The following FOCAD variants were observed in gnomAD, a reference collection of about 807,000 sequenced individuals.
The protein encoded by FOCAD is KIAA1797.
Under a neutral mutation model 225.6 loss-of-function variants are expected in FOCAD, and 198 were observed. The observed-to-expected ratio is 0.88, with a 90% CI of 0.78 to 0.99. FOCAD has a LOEUF of 0.99. Ranked by LOEUF, FOCAD falls within the 50% of genes least tolerant of loss-of-function variation. The pLI, the probability that FOCAD is intolerant of heterozygous loss-of-function variation, is 0.00. For synonymous variants in FOCAD, 897 were observed against 755.0 expected (o/e 1.19, Z -3.08); for missense variants, 2,713 against 2,123.6 (o/e 1.28, Z -5.46).
intron 5 of FOCAD, among the ~76,000 whole-genome samples, chr9:20,756,860 G>A (rs193252682): frequency 1.7e-4 from 26 of 152,288 alleles, no homozygotes; most frequent in African/African-American, 4.6e-4. Context: ...GACTAGCTCC[G>A]TGTATGTGGT....
rs151286548 is a variant in FOCAD at position 20,865,974 on chromosome 9, A to G, written c.2104A>G (p.Lys702Glu). The G allele has an allele frequency of 3.6e-3, 5,717 of 1,607,224 alleles. 16 individuals carry two copies. Among genetic ancestry groups the G allele is most frequent in the Non-Finnish European group, 4.4e-3 (5,170 of 1,176,748 alleles). ...LSFLWTHTQN[K>E]DPIVANAAYR... Reference sequence around the variant, plus strand: ...CTTCCTCTGGACTCATACTCAAAACAAGGTACTATCACAAGGCTTGTCAGT... The same window carrying G: ...CTTCCTCTGGACTCATACTCAAAACGAGGTACTATCACAAGGCTTGTCAGT... The change falls in exon 17 of 44, where the codon AAG becomes GAG. Residue 702 changes from lysine (K) to glutamate (E), a missense_variant and splice_region_variant. By Grantham distance (56) the Lys-to-Glu change is moderately conservative. Transcript: ENST00000338382.
chr9:20,872,164 C>G (rs926153913), intron 18 of FOCAD, among the ~76,000 whole-genome samples: 3 of 151,990 alleles, frequency 2.0e-5, no homozygotes, highest in Admixed American at 6.6e-5. Flanking sequence ...ATATGCTATT[C>G]ACTGCATAGA....
chr9:20,918,765 T>C (rs1364274885), intron 24 of FOCAD, among the ~76,000 whole-genome samples: 2 of 152,138 alleles, frequency 1.3e-5, no homozygotes, highest in Non-Finnish European at 2.9e-5. Flanking sequence ...ATAGACCTTA[T>C]TTTAATAAAG....
chr9:20,789,783 T>A (rs1396324585), intron 11 of FOCAD, among the ~76,000 whole-genome samples, 175 bp downstream of exon 11: 2 of 152,034 alleles, frequency 1.3e-5, no homozygotes, highest in Non-Finnish European at 2.9e-5. Flanking sequence ...TTACTCTGAG[T>A]TGATGTATAC....
Position 20,971,034 on chromosome 9 carries a change from G to T in FOCAD, c.4133-5386G>T, listed in dbSNP as rs186795203. Among the ~76,000 whole-genome samples the T allele has an allele frequency of 2.6e-5, 4 of 152,034 alleles. No individual in the cohort carries two copies. In the East Asian group the frequency reaches 7.7e-4, roughly 29 times the overall value. Reference sequence around the variant, plus strand: ...TTGTTTGTTTTCATTTCTTGCTGTGGGCTATGTTCAGTGACTTCTCAAAAT... The same window carrying T: ...TTGTTTGTTTTCATTTCTTGCTGTGTGCTATGTTCAGTGACTTCTCAAAAT... On this transcript the variant is annotated intron_variant, in intron 35 of 43. Coordinates refer to ENST00000338382, the MANE Select transcript of FOCAD (RefSeq NM_001375567.1).
At chr9:20,970,837 G>A (rs945184663) in intron 35 of FOCAD, among the ~76,000 whole-genome samples, 1 of 152,040 alleles carries the variant, frequency 6.6e-6, no homozygotes, top group Non-Finnish European at 1.5e-5. Flanking sequence ...TGTAAAATAT[G>A]TAACATAAAA....
At chr9:20,988,478 T>C (rs1324018714) in intron 41 of FOCAD, 49 bp downstream of exon 41, 6 of 1,117,118 alleles carry the variant, frequency 5.4e-6, no homozygotes, top group Non-Finnish European at 6.4e-6. Flanking sequence ...ACAGAACTTA[T>C]ATTAGGTTGG....
intron 16 of FOCAD, 28 bp downstream of exon 16, chr9:20,862,740 C>G (rs746353506): frequency 6.3e-7 from 1 of 1,593,586 alleles, no homozygotes. Context: ...AGCACATTGC[C>G]TGCTTCTTCA....
intron 7 of FOCAD, among the ~76,000 whole-genome samples, chr9:20,766,809 CA>C (rs1415452802): frequency 6.6e-6 from 1 of 151,934 alleles, no homozygotes. Context: ...GAGATGACTA[CA>C]ATGCTGTTGA....
chr9:20,942,226 G>A (rs1296475128), intron 28 of FOCAD, among the ~76,000 whole-genome samples: 1 of 152,148 alleles, frequency 6.6e-6, no homozygotes, highest in Non-Finnish European at 1.5e-5. Context: ...AGTAATAATT[G>A]CTATGATAAA....
At chr9:20,798,229 C>T (rs571125262) in intron 11 of FOCAD, among the ~76,000 whole-genome samples, 22 of 152,190 alleles carry the variant, frequency 1.4e-4, no homozygotes, top group Middle Eastern at 3.4e-3. Flanking sequence ...CTTTTTGATG[C>T]GCTGCTGGAT....
intron 15 of FOCAD, among the ~76,000 whole-genome samples, chr9:20,837,337 A>G (rs1826089882): frequency 6.6e-6 from 1 of 152,020 alleles, no homozygotes. Flanking sequence ...GGCATTCTTT[A>G]AAAGATCAAA....
At chr9:20,891,681 G>T (rs899812532) in intron 21 of FOCAD, among the ~76,000 whole-genome samples, 19 of 152,202 alleles carry the variant, frequency 1.2e-4, no homozygotes, top group Admixed American at 9.2e-4. Flanking sequence ...GCAGAGGTTG[G>T]TTCCTGAGGT....
intron 16 of FOCAD, among the ~76,000 whole-genome samples, chr9:20,864,984 CTT>C (rs1311092377): frequency 1.3e-5 from 2 of 152,074 alleles, no homozygotes. Flanking sequence ...AGGCAAGTAA[CTT>C]GACCAAGACT....
intron 9 of FOCAD, among the ~76,000 whole-genome samples, chr9:20,779,512 C>T (rs778732115): frequency 1.3e-4 from 20 of 152,226 alleles, no homozygotes; most frequent in African/African-American, 3.1e-4. Context: ...TTTGGGAGGC[C>T]GAAGTGGGTG....
In FOCAD at chr9:20,780,993, G is replaced by C. The variant is rs575587897; in HGVS notation, c.995-734G>C. On this transcript the variant is annotated intron_variant, in intron 9 of 43. Coordinates refer to ENST00000338382, the MANE Select transcript of FOCAD (RefSeq NM_001375567.1). ...TTTTGCTGTAGTGGGGAAATCAGTT[G>C]AATATTTTGATAATTTAACGTTGAA... Among the ~76,000 whole-genome samples, 3 of 152,226 alleles carry C rather than the reference G, an allele frequency of 2.0e-5. No homozygotes were observed. The South Asian group carries it at 6.2e-4, about 32-fold the overall frequency.
At chr9:20,906,331 CTT>C (rs1022875022) in intron 21 of FOCAD, among the ~76,000 whole-genome samples, 1 of 148,336 alleles carries the variant, frequency 6.7e-6, no homozygotes, top group Admixed American at 6.7e-5. Flanking sequence ...CACTCTCTCT[CTT>C]TTTTTTTTGG....
rs1034494085 is a variant in FOCAD at position 20,888,300 on chromosome 9, G to A, written c.2625+3070G>A. Reference sequence around the variant, plus strand: ...ATTGCAGGTGTGCACCACCATGCCCGGCTAATTTTTGTATTTTTAGTAGAG... The same window carrying A: ...ATTGCAGGTGTGCACCACCATGCCCAGCTAATTTTTGTATTTTTAGTAGAG... On this transcript the variant is annotated intron_variant, in intron 21 of 43. Coordinates refer to ENST00000338382, the MANE Select transcript of FOCAD (RefSeq NM_001375567.1). Among the ~76,000 whole-genome samples, 48 of 151,624 alleles carry A rather than the reference G, an allele frequency of 3.2e-4. 1 individual carries two copies. Among genetic ancestry groups the A allele is most frequent in the Non-Finnish European group, 2.8e-4 (19 of 67,830 alleles).
chr9:20,827,557 C>T (rs1352331154), intron 15 of FOCAD, among the ~76,000 whole-genome samples: 1 of 149,760 alleles, frequency 6.7e-6, no homozygotes, highest in African/African-American at 2.4e-5. Context: ...TATTATTCCC[C>T]CTTAAAAAAG....
Sources: gnomAD v4.1 joint callset for allele counts (sites outside exome capture counted in the v4.1 genomes callset) on GRCh38, gnomAD v4.1.1 for gene constraint, MANE v1.5 for transcripts, NCBI Gene and HGNC (gene_info 2026-07-23, HGNC 2026-07-21) for gene names.